Variants in SLC5A6 observed in about 807,000 individuals in gnomAD.
SLC5A6 encodes the protein sodium-dependent multivitamin transporter.
A neutral mutation model predicts 67.9 loss-of-function variants in SLC5A6; 31 were observed. The ratio of observed to expected loss-of-function variants is 0.46; its 90% CI spans 0.34 to 0.62. The LOEUF is 0.62. Among genes scored for constraint, SLC5A6 ranks in the 20% least tolerant of loss-of-function variants. SLC5A6 has a pLI of 0.01. For synonymous variants in SLC5A6, 343 were observed against 331.0 expected (o/e 1.04, Z -0.39); for missense variants, 673 against 812.8 (o/e 0.83, Z 2.09).
chr2:27,200,958 G>T, intron 16 of SLC5A6, 40 bp downstream of exon 16: 1 of 1,318,624 alleles, frequency 7.6e-7, no homozygotes, highest in Non-Finnish European at 1.1e-6. Context: ...GGCATCTGTG[G>T]AGAAGGGCAG....
At chr2:27,201,908 T>A in intron 13 of SLC5A6, 61 bp from the exon 14 acceptor site, 1 of 1,608,704 alleles carries the variant, frequency 6.2e-7, no homozygotes, top group South Asian at 1.1e-5. Flanking sequence ...ACGGCAGTCC[T>A]CAGCTCTCCT....
At position 27,206,028 on chromosome 2, in the gene SLC5A6, G is replaced by C; in HGVS notation, c.577C>G (p.Leu193Val). 6.2e-7 allele frequency: 1 copy of C among 1,612,856 alleles called. No individual in the cohort carries two copies. Among genetic ancestry groups the C allele is most frequent in the Non-Finnish European group, 8.5e-7 (1 of 1,178,958 alleles). The change falls in exon 6 of 17, where the codon CTG becomes GTG. Residue 193 changes from leucine to valine, a missense_variant and splice_region_variant. Leu to Val is a conservative substitution (Grantham distance 32). Coordinates refer to ENST00000310574, the MANE Select transcript of SLC5A6 (RefSeq NM_021095.4). ...LGIVCTVYTALGGLKAVIWTD... is the reference protein window; with the variant it reads ...LGIVCTVYTAVGGLKAVIWTD... Reference sequence around the variant, plus strand: ...ACACCACGGCTTACTGCACTTACCAGAGCTGTATAGACGGTACAGACAATG... The same window carrying C: ...ACACCACGGCTTACTGCACTTACCACAGCTGTATAGACGGTACAGACAATG...
intron 5 of SLC5A6, 161 bp downstream of exon 5, chr2:27,206,322 C>A: frequency 2.7e-6 from 2 of 729,516 alleles, no homozygotes; most frequent in Non-Finnish European, 4.7e-6. Context: ...TGAGGTGGAC[C>A]AAGCCTTCCT....
rs769602340 is a variant in SLC5A6, at chr2:27,201,750, G to C, written c.1460C>G (p.Pro487Arg). 6.2e-7 allele frequency: 1 copy of C among 1,614,162 alleles called. No homozygotes were observed. Among genetic ancestry groups the C allele is most frequent in the Non-Finnish European group, 8.5e-7 (1 of 1,179,980 alleles). Residue 487 changes from proline to arginine, a missense_variant, in exon 14 of 17, where the codon CCC becomes CGC. Transcript: ENST00000310574. ...CAGGGAGAAGCTGGACCCATTAGAG[G>C]GAGAGGGTGGCATGCTGGAGCCCAT... ...TSMGSSMPPS[P>R]SNGSSFSLPT...
In SLC5A6 at chr2:27,201,853, G is replaced by A. The variant is rs369712581; in HGVS notation, c.1363-6C>T. On this transcript the variant is annotated splice_polypyrimidine_tract_variant and splice_region_variant and intron_variant, in intron 13 of 16. Coordinates refer to ENST00000310574, the MANE Select transcript of SLC5A6 (RefSeq NM_021095.4). ...AACAGGCCCACAACAGCACCCTGCC[G>A]AGACACAGTGCAGGCCTGTCACAAG... is the stretch of plus-strand genomic sequence containing the variant. The A allele has an allele frequency of 1.1e-4, 182 of 1,613,672 alleles. No homozygotes were observed. Among genetic ancestry groups the A allele is most frequent in the Non-Finnish European group, 1.3e-4 (153 of 1,179,778 alleles).
intron 8 of SLC5A6, 64 bp from the exon 9 acceptor site, chr2:27,204,654 CT>C: frequency 1.2e-6 from 2 of 1,603,422 alleles, no homozygotes; most frequent in Admixed American, 1.7e-5. Context: ...GTGTGTGCCC[CT>C]GACCTCCAGA....
At chr2:27,206,750 G>A in intron 4 of SLC5A6, 127 bp downstream of exon 4, 1 of 918,936 alleles carries the variant, frequency 1.1e-6, no homozygotes, top group Non-Finnish European at 1.8e-6. Context: ...CCTCACAGAT[G>A]CTAACCTCTA....
At chr2:27,202,705 C>A in intron 12 of SLC5A6, 108 bp downstream of exon 12, 7 of 962,530 alleles carry the variant, frequency 7.3e-6, no homozygotes, top group Non-Finnish European at 1.2e-5. Flanking sequence ...GAATCTCTTA[C>A]GCCTGCCCCC....
At chr2:27,200,955 G>A in intron 16 of SLC5A6, 43 bp downstream of exon 16, 1 of 1,280,204 alleles carries the variant, frequency 7.8e-7, no homozygotes, top group Non-Finnish European at 1.1e-6. Context: ...AGTGGCATCT[G>A]TGGAGAAGGG....
At chr2:27,204,382 C>T in intron 9 of SLC5A6, 79 bp downstream of exon 9, 2 of 1,479,180 alleles carry the variant, frequency 1.4e-6, no homozygotes, top group South Asian at 1.3e-5. Flanking sequence ...GTCCTTTCTG[C>T]AGTCAGTCCT....
intron 2 of SLC5A6, among the ~76,000 whole-genome samples, chr2:27,210,955 C>T (rs1389695384): frequency 6.6e-6 from 1 of 152,106 alleles, no homozygotes; most frequent in Non-Finnish European, 1.5e-5. Context: ...ACCCGCGAGG[C>T]GGAGCTTGCA....
At chr2:27,205,182 G>A (rs982604186) in intron 7 of SLC5A6, 168 bp downstream of exon 7, 19 of 737,816 alleles carry the variant, frequency 2.6e-5, no homozygotes, top group Non-Finnish European at 3.5e-5. Flanking sequence ...AACACTAGCC[G>A]GGCACCTGTA....
rs2148017268 is a variant in SLC5A6, at chr2:27,207,912, T to A, written c.-140-122A>T. 1.9e-6 allele frequency: 1 copy of A among 524,972 alleles called. No homozygotes were observed. The highest frequency in any genetic ancestry group is 2.9e-5 in the South Asian group (1 of 34,662). The allele number at this position is 524,972 out of a possible 1,614,324, so 32.5% of individuals were successfully genotyped here. A position where few individuals can be genotyped will look rare whatever the true frequency, so the allele number is the denominator to read the frequency against. ...AGCATAGTGGTAGCCCTTCAAGGTC[T>A]AGAGGCCCTGGTATGGGTTTGGTAG... On this transcript the variant is annotated intron_variant, in intron 2 of 16. Coordinates refer to ENST00000310574, the MANE Select transcript of SLC5A6 (RefSeq NM_021095.4). This position sits in a 1 kb window ranked among gnomAD's most constrained non-coding sequence, Gnocchi z 5.5.
At position 27,204,903 on chromosome 2, in the gene SLC5A6, T is replaced by C. The variant is rs767069167; in HGVS notation, c.763A>G (p.Thr255Ala). ...ELDPDPFVRHTFWTLAFGGVF... is the reference protein window; with the variant it reads ...ELDPDPFVRHAFWTLAFGGVF... ...CCCCCGAAGGCCAAGGTCCAGAAGG[T>C]GTGCCGCACAAAGGGGTCTGGATCC... Residue 255 changes from threonine to alanine, a missense_variant, in exon 8 of 17, where the codon ACC becomes GCC. Physicochemically the swap from Thr to Ala is moderately conservative, Grantham distance 58. Transcript: ENST00000310574. 37 of 1,613,806 alleles carry C rather than the reference T, an allele frequency of 2.3e-5. 1 individual carries two copies. Among genetic ancestry groups the C allele is most frequent in the Non-Finnish European group, 2.9e-5 (34 of 1,180,006 alleles).
In SLC5A6 at chr2:27,212,053, A is replaced by G. The variant is rs989510755; in HGVS notation, c.-241T>C. On this transcript the variant is annotated 5_prime_UTR_variant, in exon 1 of 17. Coordinates refer to ENST00000310574, the MANE Select transcript of SLC5A6 (RefSeq NM_021095.4). The stretch of plus-strand genomic sequence containing the variant: ...GATGGAGGGGCCCGAGTTTCTGCGA[A>G]GCCGCGACCTCGGCGTCCGGACGCG... 2 of 1,052,290 alleles carry G rather than the reference A, an allele frequency of 1.9e-6. No individual in the cohort carries two copies. Among genetic ancestry groups the G allele is most frequent in the South Asian group, 1.6e-5 (1 of 60,974 alleles). The allele number at this position is 1,052,290 out of a possible 1,614,324, so 65.2% of individuals were successfully genotyped here. A position where few individuals can be genotyped will look rare whatever the true frequency, so the allele number is the denominator to read the frequency against.
At chr2:27,203,457 A>C (rs1673806355) in intron 10 of SLC5A6, 112 bp from the exon 11 acceptor site, 2 of 920,098 alleles carry the variant, frequency 2.2e-6, no homozygotes, top group East Asian at 5.2e-5. Flanking sequence ...ACCACCAAGA[A>C]ACCTCCTCAT....
chr2:27,210,306 C>A (rs1674375901), intron 2 of SLC5A6, among the ~76,000 whole-genome samples: 1 of 152,192 alleles, frequency 6.6e-6, no homozygotes, highest in South Asian at 2.1e-4. Context: ...TTTCTAAACA[C>A]CCTACATTGA....
rs777285684 is a variant in SLC5A6 at position 27,207,384 on chromosome 2, C to T, written c.267G>A (p.Pro89=). 7.4e-6 allele frequency: 12 copies of T among 1,614,020 alleles called. No individual in the cohort carries two copies. The highest frequency in any genetic ancestry group is 2.2e-5 in the East Asian group (1 of 44,886). The change falls in exon 3 of 17, where the codon CCG becomes CCA. Residue 89 remains proline, a synonymous_variant. Transcript: ENST00000310574. The surrounding 1 kb of genome is among the most constrained non-coding windows in gnomAD (Gnocchi z 5.5). ...FQSAVAILGV[P]SEIYRFGTQY... is the part of the protein sequence containing the mutation. ...GGGTCCCAAATCGGTAGATCTCTGACGGCACACCCAGGATGGCCACGGCTG... is the reference window on the plus strand; with the variant it reads ...GGGTCCCAAATCGGTAGATCTCTGATGGCACACCCAGGATGGCCACGGCTG...
chr2:27,209,414 G>A (rs896283417), intron 2 of SLC5A6, among the ~76,000 whole-genome samples: 1 of 152,192 alleles, frequency 6.6e-6, no homozygotes, highest in African/African-American at 2.4e-5. Context: ...ACATAATGAA[G>A]CTAACATTTT....
Sources: allele counts gnomAD v4.1 joint callset (sites outside exome capture counted in the v4.1 genomes callset), GRCh38; gene constraint gnomAD v4.1.1; non-coding constraint Gnocchi (gnomAD v3.1); transcripts MANE v1.5; gene names NCBI Gene and HGNC (gene_info 2026-07-23, HGNC 2026-07-21).